Variants in ARHGEF12 observed in about 807,000 individuals in gnomAD.
ARHGEF12 encodes the protein Rho guanine nucleotide exchange factor 12, also known as KMT2A/ARHGEF12 fusion protein.
A neutral mutation model predicts 211.2 loss-of-function variants in ARHGEF12; 66 were observed. The ratio of observed to expected loss-of-function variants is 0.31; its 90% CI spans 0.26 to 0.38. The LOEUF (loss-of-function observed/expected upper bound fraction) is 0.38. Among genes scored for constraint, ARHGEF12 ranks in the 10% least tolerant of loss-of-function variants. The pLI is 1.00. For missense variants in ARHGEF12, 1,429 were observed against 1,869.5 expected, an observed-to-expected ratio of 0.76 and a Z score of 4.34; for synonymous variants, 592 against 638.4, an observed-to-expected ratio of 0.93 and a Z score of 1.09.
chr11:120,467,489 C>T (rs551642586), intron 29 of ARHGEF12, among the ~76,000 whole-genome samples, 181 bp downstream of exon 29: 1 of 141,822 alleles, frequency 7.1e-6, no homozygotes, highest in East Asian at 2.1e-4. Context: ...GTCTTGCAGG[C>T]TGGAGTGCAG....
chr11:120,396,119 G>C (rs1944375692), intron 1 of ARHGEF12, among the ~76,000 whole-genome samples: 1 of 152,248 alleles, frequency 6.6e-6, no homozygotes, highest in African/African-American at 2.4e-5. Context: ...CCAAACAGAA[G>C]GGTGAGAGCA....
intron 2 of ARHGEF12, among the ~76,000 whole-genome samples, chr11:120,406,906 A>C (rs1234514020): frequency 6.6e-6 from 1 of 152,182 alleles, no homozygotes; most frequent in Non-Finnish European, 1.5e-5. Context: ...AAAATGTTAA[A>C]ATGTATCTAT....
rs368435327 is a variant in ARHGEF12 at position 120,409,788 on chromosome 11, C to T, written c.199+338C>T. 8.2e-5 allele frequency: 16 copies of T among 196,216 alleles called. No homozygotes were observed. In the East Asian group the frequency reaches 1.8e-3, roughly 23 times the overall value. The allele number at this position is 196,216 out of a possible 1,614,324, so 12.2% of individuals were successfully genotyped here. A position where few individuals can be genotyped will look rare whatever the true frequency, so the allele number is the denominator to read the frequency against. The stretch of plus-strand genomic sequence containing the variant: ...TGAATGGGCTTTGAATTCTTGTCAT[C>T]TTCTTCCCACATCTCATTTGCAGAG... On this transcript the variant is annotated intron_variant, in intron 4 of 40. Coordinates refer to ENST00000397843, the MANE Select transcript of ARHGEF12 (RefSeq NM_015313.3).
rs1246346221 is a variant in ARHGEF12 at position 120,486,888 on chromosome 11, TTA to T, written c.*1812_*1813del. 4.7e-6 allele frequency: 1 copy of T among 211,758 alleles called. No homozygotes were observed. The highest frequency in any genetic ancestry group is 9.6e-6 in the Non-Finnish European group (1 of 104,494). 13.1% of individuals were successfully genotyped at this position (211,758 alleles called of 1,614,324 possible). A position where few individuals can be genotyped will look rare whatever the true frequency, so the allele number is the denominator to read the frequency against. On this transcript the variant is annotated 3_prime_UTR_variant, in exon 41 of 41. Coordinates refer to ENST00000397843, the MANE Select transcript of ARHGEF12 (RefSeq NM_015313.3). ...TCATCTATAAATTGAAATTATATTT[TTA>T]GTCATAAGCCAAGTACAATCTAACT...
chr11:120,451,673 G>C lies in ARHGEF12; in HGVS notation c.2005G>C (p.Val669Leu). ...GYLPANSMSS[V>L]ASGASFSQEG... ...CCTGCCTGCCAATTCCATGTCTTCT[G>C]TAGCTTCAGGGGCCTCTTTTTCCCA... Residue 669 changes from valine (V) to leucine (L), a missense_variant, in exon 22 of 41, where the codon GTA (valine) becomes CTA (leucine). By Grantham distance (32) the Val-to-Leu change is conservative (BLOSUM62 1). Around this residue, in one of 7 missense-constraint regions of ARHGEF12, gnomAD observed 373 missense variants for 467.5 expected, o/e 0.80. Coordinates refer to ENST00000397843, the MANE Select transcript of ARHGEF12 (RefSeq NM_015313.3). 6.2e-7 allele frequency: 1 copy of C among 1,614,122 alleles called. No homozygotes were observed.
intron 1 of ARHGEF12, among the ~76,000 whole-genome samples, chr11:120,400,105 A>G (rs1439610960): frequency 6.6e-6 from 1 of 152,154 alleles, no homozygotes; most frequent in Non-Finnish European, 1.5e-5. Flanking sequence ...AATTTTGTTC[A>G]CCTGTTCTCA....
At chr11:120,381,246 A>C (rs1943870349) in intron 1 of ARHGEF12, among the ~76,000 whole-genome samples, 1 of 152,202 alleles carries the variant, frequency 6.6e-6, no homozygotes, top group African/African-American at 2.4e-5. Flanking sequence ...GTTGGCATAT[A>C]TGTTAAGTTA....
intron 1 of ARHGEF12, among the ~76,000 whole-genome samples, chr11:120,388,881 C>A (rs551295569): frequency 6.6e-6 from 1 of 151,072 alleles, no homozygotes; most frequent in Admixed American, 6.6e-5. Flanking sequence ...TTTTATTTTG[C>A]GACAGAGTTT....
chr11:120,443,087 T>C (rs1332595543), intron 15 of ARHGEF12, among the ~76,000 whole-genome samples: 1 of 150,370 alleles, frequency 6.7e-6, no homozygotes, highest in Non-Finnish European at 1.5e-5. Context: ...AGTGGCACGA[T>C]TGCACCTCAC....
intron 1 of ARHGEF12, among the ~76,000 whole-genome samples, chr11:120,341,232 AT>A (rs1390209120): frequency 2.5e-5 from 3 of 118,364 alleles, no homozygotes; most frequent in African/African-American, 1.0e-4. Context: ...TAATTTTTGT[AT>A]TTTTAGTAGA....
chr11:120,421,888 T>G, intron 6 of ARHGEF12, 36 bp downstream of exon 6: 181 of 1,530,920 alleles, frequency 1.2e-4, no homozygotes, highest in Non-Finnish European at 1.5e-4. Context: ...TACGGTAGGA[T>G]TAAAAAACAA....
chr11:120,481,794 C>G (rs190450528), intron 39 of ARHGEF12, among the ~76,000 whole-genome samples: 1 of 145,700 alleles, frequency 6.9e-6, no homozygotes, highest in East Asian at 2.0e-4. Flanking sequence ...GAGTCTCGCT[C>G]TGTCAACCAG....
At chr11:120,387,656 T>C (rs1944080827) in intron 1 of ARHGEF12, among the ~76,000 whole-genome samples, 1 of 152,158 alleles carries the variant, frequency 6.6e-6, no homozygotes, top group Non-Finnish European at 1.5e-5. Context: ...TTATTGGTAG[T>C]ATAGAACTTG....
At chr11:120,452,477 C>A (rs903910675) in intron 22 of ARHGEF12, among the ~76,000 whole-genome samples, 1 of 151,982 alleles carries the variant, frequency 6.6e-6, no homozygotes, top group African/African-American at 2.4e-5. Flanking sequence ...CCTGAGGTGC[C>A]ATAGAGGAGG....
intron 1 of ARHGEF12, among the ~76,000 whole-genome samples, chr11:120,379,691 T>C (rs549574183): frequency 6.6e-6 from 1 of 152,212 alleles, no homozygotes; most frequent in South Asian, 2.1e-4. Flanking sequence ...CCAGGAGGTA[T>C]TTTCATCTGA....
rs202185449 is a variant in ARHGEF12 at position 120,387,245 on chromosome 11, T to TG, written c.33-18865dup. Among the ~76,000 whole-genome samples, 301 of 150,616 alleles carry TG rather than the reference T, an allele frequency of 2.0e-3. 2 individuals carry two copies. Among genetic ancestry groups the TG allele is most frequent in the South Asian group, 0.011 (52 of 4,702 alleles). The stretch of plus-strand genomic sequence containing the variant: ...GCTGTACATGTTGGATTGTGTGTGG[T>TG]GGGGGGGGAGGGTGATAGAGTGCAT... On this transcript the variant is annotated intron_variant, in intron 1 of 40. Transcript: ENST00000397843.
chr11:120,343,552 C>T (rs1305248525), intron 1 of ARHGEF12, among the ~76,000 whole-genome samples: 3 of 152,160 alleles, frequency 2.0e-5, no homozygotes, highest in Non-Finnish European at 1.5e-5. Context: ...TTAGCATGCA[C>T]CAATGCAGTT....
chr11:120,406,779 G>T (rs1200366865), intron 2 of ARHGEF12, among the ~76,000 whole-genome samples: 2 of 152,040 alleles, frequency 1.3e-5, no homozygotes, highest in Non-Finnish European at 2.9e-5. Flanking sequence ...AGGATGGTCT[G>T]GATCTCCTGA....
At chr11:120,364,526 C>T (rs1943369670) in intron 1 of ARHGEF12, among the ~76,000 whole-genome samples, 1 of 152,116 alleles carries the variant, frequency 6.6e-6, no homozygotes, top group South Asian at 2.1e-4. Context: ...ATCACCCACA[C>T]CATTATTTTA....
Sources: allele counts gnomAD v4.1 joint callset (sites outside exome capture counted in the v4.1 genomes callset), GRCh38; gene constraint gnomAD v4.1.1; regional missense constraint gnomAD v4.1.1; transcripts MANE v1.5; gene names NCBI Gene and HGNC (gene_info 2026-07-23, HGNC 2026-07-21).